Variants in GMDS observed in about 807,000 individuals in gnomAD.
GMDS encodes GDP-mannose 4,6 dehydratase.
Under a neutral mutation model 49.9 loss-of-function variants are expected in GMDS, and 20 were observed. The ratio of observed to expected loss-of-function variants is 0.40; its 90% CI spans 0.28 to 0.58. The LOEUF (loss-of-function observed/expected upper bound fraction) is 0.58, where lower values mean the gene tolerates loss of function less well. Among genes scored for constraint, GMDS ranks in the 20% least tolerant of loss-of-function variants. GMDS has a pLI of 0.42. For synonymous variants in GMDS, 177 were observed against 178.6 expected (o/e 0.99, Z 0.07); for missense variants, 362 against 481.4 (o/e 0.75, Z 2.32).
intron 1 of GMDS, among the ~76,000 whole-genome samples, chr6:2,233,672 T>C (rs1192822229): frequency 6.6e-6 from 1 of 151,770 alleles, no homozygotes; most frequent in Non-Finnish European, 1.5e-5. Context: ...ATACAAAAAT[T>C]AGCCAAGCAT....
intron 7 of GMDS, among the ~76,000 whole-genome samples, chr6:1,916,533 T>A (rs1761408739): frequency 2.1e-5 from 3 of 141,108 alleles, no homozygotes; most frequent in Admixed American, 7.0e-5. Context: ...GAAAGGAGAG[T>A]GAAAGAAAGA....
At chr6:2,221,571 G>T (rs1780591722) in intron 1 of GMDS, among the ~76,000 whole-genome samples, 1 of 152,134 alleles carries the variant, frequency 6.6e-6, no homozygotes, top group South Asian at 2.1e-4. Flanking sequence ...TGTATTTTTA[G>T]TAGAGACGGG....
intron 7 of GMDS, among the ~76,000 whole-genome samples, chr6:1,857,714 T>C (rs1333965717): frequency 1.3e-5 from 2 of 152,224 alleles, no homozygotes; most frequent in Non-Finnish European, 2.9e-5. Context: ...TGTTATTCAC[T>C]ATATTTTTAG....
chr6:1,765,873 A>G (rs1006617797), intron 7 of GMDS, among the ~76,000 whole-genome samples: 4 of 152,158 alleles, frequency 2.6e-5, no homozygotes. Context: ...GAACAAACGC[A>G]AAGGCCTTGA....
chr6:1,744,952 C>T (rs1467083420), intron 7 of GMDS, among the ~76,000 whole-genome samples: 8 of 152,068 alleles, frequency 5.3e-5, no homozygotes, highest in Admixed American at 3.3e-4. Context: ...AGTGGGCGCA[C>T]GAGTGTACCC....
chr6:1,813,246 AAAC>A (rs1374511819), intron 7 of GMDS, among the ~76,000 whole-genome samples: 2 of 150,954 alleles, frequency 1.3e-5, no homozygotes, highest in East Asian at 3.9e-4. Flanking sequence ...AAAAAAAAAA[AAAC>A]CTTAATTAAA....
intron 9 of GMDS, among the ~76,000 whole-genome samples, chr6:1,660,513 G>C (rs1288602989): frequency 6.6e-6 from 1 of 151,920 alleles, no homozygotes; most frequent in East Asian, 1.9e-4. Flanking sequence ...AGAGGCCGGG[G>C]AGGAGAACGG....
intron 4 of GMDS, among the ~76,000 whole-genome samples, chr6:1,984,211 G>A (rs1389326631): frequency 6.6e-6 from 1 of 152,080 alleles, no homozygotes; most frequent in Non-Finnish European, 1.5e-5. Context: ...CACACACTGG[G>A]GCCTGTCAGA....
chr6:2,239,018 T>C (rs908834495), intron 1 of GMDS, among the ~76,000 whole-genome samples: 2 of 152,154 alleles, frequency 1.3e-5, no homozygotes, highest in African/African-American at 4.8e-5. Flanking sequence ...TAATAGTTCA[T>C]TGGTTTCATT....
intron 7 of GMDS, among the ~76,000 whole-genome samples, chr6:1,764,963 G>T (rs1043447386): frequency 2.0e-5 from 3 of 152,090 alleles, no homozygotes; most frequent in African/African-American, 7.2e-5. Flanking sequence ...TCTGAGTAGG[G>T]AGCTTCATGA....
intron 4 of GMDS, among the ~76,000 whole-genome samples, chr6:2,024,100 G>A (rs962547524): frequency 2.0e-5 from 3 of 152,058 alleles, no homozygotes; most frequent in Non-Finnish European, 4.4e-5. Flanking sequence ...AATCTTGAAA[G>A]AGTAACAATT....
intron 7 of GMDS, among the ~76,000 whole-genome samples, chr6:1,815,289 T>C (rs746002762): frequency 6.6e-6 from 1 of 152,232 alleles, no homozygotes; most frequent in Non-Finnish European, 1.5e-5. Flanking sequence ...GTAAAAAATT[T>C]ACCCCAAGTT....
At chr6:1,705,566 T>G (rs1765703332) in intron 9 of GMDS, among the ~76,000 whole-genome samples, 1 of 152,226 alleles carries the variant, frequency 6.6e-6, no homozygotes, top group African/African-American at 2.4e-5. Flanking sequence ...ATAATTAGTC[T>G]TGTGTCAGGT....
chr6:1,873,025 C>A (rs547926590), intron 7 of GMDS, among the ~76,000 whole-genome samples: 122 of 152,310 alleles, frequency 8.0e-4, no homozygotes, highest in African/African-American at 2.9e-3. Context: ...CCCACTCTTT[C>A]GTCAGTCTGC....
intron 4 of GMDS, among the ~76,000 whole-genome samples, chr6:1,982,585 C>T (rs564898725): frequency 5.3e-5 from 8 of 152,158 alleles, no homozygotes; most frequent in Admixed American, 1.3e-4. Flanking sequence ...ACCAACCACA[C>T]GCAGGCTGAG....
chr6:1,625,813 C>T (rs188454031), intron 9 of GMDS, among the ~76,000 whole-genome samples: 1 of 152,288 alleles, frequency 6.6e-6, no homozygotes, highest in African/African-American at 2.4e-5. Context: ...CAAATGTACT[C>T]GTCAAATAAC....
intron 1 of GMDS, among the ~76,000 whole-genome samples, chr6:2,186,981 A>C (rs1430657178): frequency 6.6e-6 from 1 of 152,250 alleles, no homozygotes; most frequent in Non-Finnish European, 1.5e-5. Context: ...AATAAATGTA[A>C]AAACTTTACC....
At chr6:1,736,713 G>A (rs1474513795) in intron 8 of GMDS, among the ~76,000 whole-genome samples, 3 of 152,194 alleles carry the variant, frequency 2.0e-5, no homozygotes, top group Non-Finnish European at 4.4e-5. Flanking sequence ...ACACCACATT[G>A]AAAGGTTAGG....
chr6:1,628,288 C>T (rs1179594898), intron 9 of GMDS, among the ~76,000 whole-genome samples: 1 of 152,238 alleles, frequency 6.6e-6, no homozygotes, highest in Non-Finnish European at 1.5e-5. Context: ...TTATCTTCTA[C>T]CCTAACGACA....
Sources: gnomAD v4.1 joint callset for allele counts (sites outside exome capture counted in the v4.1 genomes callset) on GRCh38, gnomAD v4.1.1 for gene constraint, MANE v1.5 for transcripts, NCBI Gene and HGNC (gene_info 2026-07-23, HGNC 2026-07-21) for gene names.